ALDOB: variants seen among roughly 807,000 people sequenced by gnomAD.
ALDOB encodes aldolase, fructose-bisphosphate B, also known as fructose-bisphosphate aldolase B.
Under a neutral mutation model 41.0 loss-of-function variants are expected in ALDOB, and 39 were observed. The ratio of observed to expected loss-of-function variants is 0.95; its 90% CI spans 0.74 to 1.24. The LOEUF (loss-of-function observed/expected upper bound fraction) is 1.24. Among genes scored for constraint, ALDOB ranks in the 50% most tolerant of loss-of-function variants. ALDOB has a pLI of 0.00. For synonymous variants in ALDOB, 175 were observed against 168.8 expected, an observed-to-expected ratio of 1.04 and a Z score of -0.28; for missense variants, 530 against 457.3, an observed-to-expected ratio of 1.16 and a Z score of -1.45.
rs149564051 is a variant in ALDOB at position 101,428,634 on chromosome 9, G to A, written c.325-111C>T. On this transcript the variant is annotated intron_variant, in intron 3 of 8. Coordinates refer to ENST00000647789, the MANE Select transcript of ALDOB (RefSeq NM_000035.4). ...CAGATCAAGGAGTTGAATTAGTAAAGTGTATTAGTGCGAGGGACCCAGTTC... is the reference window on the plus strand; with the variant it reads ...CAGATCAAGGAGTTGAATTAGTAAAATGTATTAGTGCGAGGGACCCAGTTC... 6.1e-4 allele frequency: 580 copies of A among 950,514 alleles called. 9 individuals are homozygous for A. The East Asian group carries it at 0.012, about 20-fold the overall frequency. The allele number at this position is 950,514 out of a possible 1,614,324, so 58.9% of individuals were successfully genotyped here. A position where few individuals can be genotyped will look rare whatever the true frequency, so the allele number is the denominator to read the frequency against.
In ALDOB at chr9:101,430,896, G is replaced by C. The variant is rs1223674589; in HGVS notation, c.-9C>G. On this transcript the variant is annotated splice_region_variant and 5_prime_UTR_variant, in exon 2 of 9. Coordinates refer to ENST00000647789, the MANE Select transcript of ALDOB (RefSeq NM_000035.4). ...GGAAATCGGTGGGCCATGGTGACAG[G>C]TCTGGAAAAGAGTGTGCGAGAGTTG... The C allele has an allele frequency of 1.2e-5, 19 of 1,603,806 alleles. No homozygotes were observed. Among genetic ancestry groups the C allele is most frequent in the Non-Finnish European group, 1.6e-5 (19 of 1,170,826 alleles).
chr9:101,431,662 AAGG>A, intron 1 of ALDOB, among the ~76,000 whole-genome samples: 1 of 152,186 alleles, frequency 6.6e-6, no homozygotes, highest in East Asian at 1.9e-4. Context: ...TTGTGCTCTG[AAGG>A]AGATCGTTGC....
Position 101,429,055 on chromosome 9 carries a change from T to TAGAATA in ALDOB, c.325-538_325-533dup, listed in dbSNP as rs1247150938. On this transcript the variant is annotated intron_variant, in intron 3 of 8. Transcript: ENST00000647789. ...ACTATTGGAAGACCTAGTTATAAGA[T>TAGAATA]AGAATAGTAAATGCTTCAATAATTA... Among the ~76,000 whole-genome samples the TAGAATA allele has an allele frequency of 3.3e-5, 5 of 152,182 alleles. No homozygotes were observed. The East Asian group carries it at 9.6e-4, about 29-fold the overall frequency.
At chr9:101,422,176 A>G (rs186240425) in intron 8 of ALDOB, among the ~76,000 whole-genome samples, 8 of 152,354 alleles carry the variant, frequency 5.3e-5, no homozygotes, top group African/African-American at 1.7e-4. Context: ...CAGCAACAGT[A>G]CTAGAAACTA....
chr9:101,422,606 G>T (rs1005531925), intron 8 of ALDOB, among the ~76,000 whole-genome samples: 1 of 152,190 alleles, frequency 6.6e-6, no homozygotes, highest in African/African-American at 2.4e-5. Context: ...TTTAACAAGC[G>T]CTTCAAGTGG....
chr9:101,429,737 G>T lies in ALDOB; in HGVS notation c.324+18C>A. 2 of 1,612,022 alleles carry T rather than the reference G, an allele frequency of 1.2e-6. No individual in the cohort carries two copies. The highest frequency in any genetic ancestry group is 1.7e-6 in the Non-Finnish European group (2 of 1,178,110). On this transcript the variant is annotated intron_variant, in intron 3 of 8. Transcript: ENST00000647789. ...GCCTAGGACAAAGCAGAAGTGAGGTGTGAATGGAGGTGTTCACCTTGATTC... is the reference window on the plus strand; with the variant it reads ...GCCTAGGACAAAGCAGAAGTGAGGTTTGAATGGAGGTGTTCACCTTGATTC...
At chr9:101,431,275 T>C (rs1055718847) in intron 1 of ALDOB, among the ~76,000 whole-genome samples, 8 of 152,228 alleles carry the variant, frequency 5.3e-5, no homozygotes, top group Non-Finnish European at 2.9e-5. Context: ...ATTTCCTTAA[T>C]GGCTTGAGGC....
chr9:101,434,720 C>T (rs927946189), intron 1 of ALDOB, among the ~76,000 whole-genome samples: 7 of 152,176 alleles, frequency 4.6e-5, no homozygotes, highest in Non-Finnish European at 7.3e-5. Context: ...CAGCCCAGAA[C>T]GAGTCCTGAA....
chr9:101,430,668 G>A lies in ALDOB; in HGVS notation c.112+108C>T, dbSNP rs376916961. 1,459 of 856,176 alleles carry A rather than the reference G, an allele frequency of 1.7e-3. 20 individuals are homozygous for A. In the South Asian group the frequency reaches 0.018, roughly 11 times the overall value. 53.0% of individuals were successfully genotyped at this position (856,176 alleles called of 1,614,324 possible). A position where few individuals can be genotyped will look rare whatever the true frequency, so the allele number is the denominator to read the frequency against. ...TACTGAGTCTTCTGCTCCCACTCCC[G>A]TGTACATAAACCTTTACTTCCATAA... is the stretch of plus-strand genomic sequence containing the variant. On this transcript the variant is annotated intron_variant, in intron 2 of 8. Coordinates refer to ENST00000647789, the MANE Select transcript of ALDOB (RefSeq NM_000035.4).
intron 5 of ALDOB, 55 bp downstream of exon 5, chr9:101,427,426 AG>A: frequency 1.3e-6 from 2 of 1,599,858 alleles, no homozygotes; most frequent in Non-Finnish European, 1.7e-6. Context: ...TGAAAAGAAA[AG>A]CTCTGAAGAA....
At chr9:101,432,176 A>G (rs1831229212) in intron 1 of ALDOB, among the ~76,000 whole-genome samples, 1 of 152,212 alleles carries the variant, frequency 6.6e-6, no homozygotes, top group Non-Finnish European at 1.5e-5. Context: ...GAGCTAATTC[A>G]TGAGAAGGTA....
chr9:101,427,710 A>G, intron 4 of ALDOB, 68 bp from the exon 5 acceptor site: 1 of 1,592,936 alleles, frequency 6.3e-7, no homozygotes. Context: ...CTTCTAATAA[A>G]GGGAAGGAGT....
rs1831040580 is a variant in ALDOB at position 101,421,176 on chromosome 9, A to G, written c.*633T>C. On this transcript the variant is annotated 3_prime_UTR_variant, in exon 9 of 9. Transcript: ENST00000647789. ...GAAATCTAATAGTTAGAGGATCCCA[A>G]GTCTAGGGTTTCTGATTTAATTGAG... 1 of 154,038 alleles carries G rather than the reference A, an allele frequency of 6.5e-6. No individual in the cohort carries two copies. Among genetic ancestry groups the G allele is most frequent in the Admixed American group, 6.4e-5 (1 of 15,652 alleles). 9.5% of individuals were successfully genotyped at this position (154,038 alleles called of 1,614,324 possible). A position where few individuals can be genotyped will look rare whatever the true frequency, so the allele number is the denominator to read the frequency against.
intron 3 of ALDOB, 79 bp downstream of exon 3, chr9:101,429,676 G>A (rs1831185391): frequency 1.6e-6 from 2 of 1,271,242 alleles, no homozygotes; most frequent in South Asian, 2.4e-5. Context: ...AATGTTCAGA[G>A]TGTTGGCCCT....
chr9:101,422,373 C>A (rs80152358), intron 8 of ALDOB, among the ~76,000 whole-genome samples: 1 of 152,130 alleles, frequency 6.6e-6, no homozygotes, highest in African/African-American at 2.4e-5. Flanking sequence ...ATGAAACTTA[C>A]GACAATATTT....
intron 8 of ALDOB, among the ~76,000 whole-genome samples, chr9:101,423,825 A>T (rs1456170236): frequency 3.3e-5 from 5 of 152,062 alleles, no homozygotes. Context: ...ATTTGGCTAA[A>T]CTCCAAGCTT....
At chr9:101,430,225 C>A (rs1254576289) in intron 2 of ALDOB, among the ~76,000 whole-genome samples, 1 of 152,102 alleles carries the variant, frequency 6.6e-6, no homozygotes, top group African/African-American at 2.4e-5. Context: ...ATATGGAAGG[C>A]CCTCAGGCCT....
intron 2 of ALDOB, 125 bp from the exon 3 acceptor site, chr9:101,430,091 AG>A: frequency 2.2e-6 from 2 of 899,830 alleles, no homozygotes; most frequent in Non-Finnish European, 1.8e-6. Context: ...AGATAGTCAA[AG>A]CTCCTGCTTC....
At chr9:101,422,032 G>A in intron 8 of ALDOB, 128 bp from the exon 9 acceptor site, 1 of 770,928 alleles carries the variant, frequency 1.3e-6, no homozygotes, top group Non-Finnish European at 2.3e-6. Flanking sequence ...CAATGTTGCT[G>A]AATATTGCTG....
Sources: gnomAD v4.1 joint callset for allele counts (sites outside exome capture counted in the v4.1 genomes callset) on GRCh38, gnomAD v4.1.1 for gene constraint, MANE v1.5 for transcripts, NCBI Gene and HGNC (gene_info 2026-07-23, HGNC 2026-07-21) for gene names.